IL34: variants seen among roughly 807,000 people sequenced by gnomAD.
IL34 encodes the protein interleukin 34, also known as interleukin-34.
A neutral mutation model predicts 25.3 loss-of-function variants in IL34; 17 were observed. The observed-to-expected ratio is 0.67, with a 90% confidence interval of 0.46 to 1.01. IL34 has a LOEUF of 1.01. Among genes scored for constraint, IL34 ranks in the 50% least tolerant of loss-of-function variants. The probability of loss-of-function intolerance (pLI) is 0.00; values close to 1 mark genes in which losing one functional copy is unlikely to be tolerated. For synonymous variants in IL34, 174 were observed against 140.9 expected (o/e 1.23, Z -1.66); for missense variants, 368 against 312.9 (o/e 1.18, Z -1.33).
intron 1 of IL34, among the ~76,000 whole-genome samples, chr16:70,584,699 C>T (rs554706029): frequency 6.7e-6 from 1 of 150,046 alleles, no homozygotes; most frequent in South Asian, 2.1e-4. Flanking sequence ...TGCTTTCTCT[C>T]TCTCTCTCTT....
chr16:70,645,013 GGAA>G (rs1422777122), upstream of IL34, among the ~76,000 whole-genome samples: 44 of 146,202 alleles, frequency 3.0e-4, no homozygotes, highest in Admixed American at 8.8e-4. Context: ...AGGAAGAGGA[GGAA>G]GGAGGAGAAG....
Position 70,594,935 on chromosome 16 carries a change from A to C in IL34, c.-401+14886A>C, listed in dbSNP as rs1027755838. ...TTTCCAGGTGGCTGCATTTCAATTT[A>C]TCTCTCTCTCTCTCTCTCTCTTTTT... On this transcript the variant is annotated intron_variant, in intron 1 of 6. Transcript: ENST00000429149. Among the ~76,000 whole-genome samples the C allele has an allele frequency of 4.7e-4, 68 of 145,320 alleles. 1 individual carries two copies. The highest frequency in any genetic ancestry group is 1.7e-3 in the African/African-American group (63 of 38,130).
chr16:70,655,831 C>T (rs2052204564), intron 2 of IL34, among the ~76,000 whole-genome samples: 1 of 152,176 alleles, frequency 6.6e-6, no homozygotes, highest in Non-Finnish European at 1.5e-5. Flanking sequence ...TCCTCAGCCT[C>T]CCAAGGTGCT....
chr16:70,613,746 C>G (rs2051128751), intron 1 of IL34, among the ~76,000 whole-genome samples: 1 of 152,018 alleles, frequency 6.6e-6, no homozygotes, highest in Non-Finnish European at 1.5e-5. Context: ...TGGTGGCGTG[C>G]ACCTGTAGTC....
intron 1 of IL34, among the ~76,000 whole-genome samples, chr16:70,619,793 G>A (rs2051242175): frequency 6.6e-6 from 1 of 152,050 alleles, no homozygotes; most frequent in South Asian, 2.1e-4. Flanking sequence ...AGTTCCAGGG[G>A]CTCTGGGAGT....
intron 1 of IL34, among the ~76,000 whole-genome samples, chr16:70,624,605 A>C (rs2051350741): frequency 6.6e-6 from 1 of 152,176 alleles, no homozygotes; most frequent in African/African-American, 2.4e-5. Flanking sequence ...GATGAAAAAG[A>C]GCCTAAACGC....
chr16:70,634,829 TATG>T (rs972542431), intron 1 of IL34, among the ~76,000 whole-genome samples: 2 of 152,144 alleles, frequency 1.3e-5, no homozygotes, highest in African/African-American at 4.8e-5. Flanking sequence ...TAGCTGGAAT[TATG>T]TAGTGTGCAC....
intron 1 of IL34, among the ~76,000 whole-genome samples, chr16:70,637,093 C>T (rs1024406423): frequency 1.3e-5 from 2 of 151,922 alleles, no homozygotes; most frequent in African/African-American, 2.4e-5. Flanking sequence ...ATCTCCTGAC[C>T]TCGTGATCTG....
intron 1 of IL34, among the ~76,000 whole-genome samples, chr16:70,609,815 T>A (rs2051064206): frequency 6.6e-6 from 1 of 152,200 alleles, no homozygotes; most frequent in South Asian, 2.1e-4. Context: ...ACTGTGCCTC[T>A]TGCAGGTGCC....
intron 1 of IL34, among the ~76,000 whole-genome samples, chr16:70,592,696 C>A (rs1191197500): frequency 6.6e-6 from 1 of 152,084 alleles, no homozygotes; most frequent in African/African-American, 2.4e-5. Flanking sequence ...ACTCTGTCGT[C>A]CAGGCTGGAG....
At chr16:70,609,869 C>G (rs1478022363) in intron 1 of IL34, among the ~76,000 whole-genome samples, 1 of 152,124 alleles carries the variant, frequency 6.6e-6, no homozygotes, top group Non-Finnish European at 1.5e-5. Context: ...AATTGGAACC[C>G]AGATGCCTCT....
At chr16:70,597,387 A>G (rs2050838906) in intron 1 of IL34, among the ~76,000 whole-genome samples, 1 of 151,866 alleles carries the variant, frequency 6.6e-6, no homozygotes, top group Non-Finnish European at 1.5e-5. Context: ...TGCCTGGCCA[A>G]GTATTAATTT....
At chr16:70,596,591 G>C (rs978187333) in intron 1 of IL34, among the ~76,000 whole-genome samples, 6 of 152,134 alleles carry the variant, frequency 3.9e-5, no homozygotes, top group Non-Finnish European at 7.4e-5. Flanking sequence ...TCAGAAACTG[G>C]AGCCCCTGAA....
intron 1 of IL34, among the ~76,000 whole-genome samples, chr16:70,651,188 G>C (rs576817021): frequency 2.6e-5 from 4 of 152,100 alleles, no homozygotes; most frequent in Non-Finnish European, 5.9e-5. Context: ...TGATGGGGGG[G>C]AGAGAAGAGT....
At position 70,660,336 on chromosome 16, in the gene IL34, G is replaced by A. The variant is rs1258800272; in HGVS notation, c.*149G>A. The A allele has an allele frequency of 1.5e-6, 1 of 684,552 alleles. No individual in the cohort carries two copies. Among genetic ancestry groups the A allele is most frequent in the Non-Finnish European group, 2.3e-6 (1 of 433,814 alleles). 42.4% of individuals were successfully genotyped at this position (684,552 alleles called of 1,614,324 possible). A position where few individuals can be genotyped will look rare whatever the true frequency, so the allele number is the denominator to read the frequency against. On this transcript the variant is annotated 3_prime_UTR_variant, in exon 6 of 6. Transcript: ENST00000288098. ...GTTTTTCCTTTGAGGGGGATTCTGTGCCACAGCAGGGCTCAGCTTCCTGCC... is the reference window on the plus strand; with the variant it reads ...GTTTTTCCTTTGAGGGGGATTCTGTACCACAGCAGGGCTCAGCTTCCTGCC...
At chr16:70,582,698 T>A (rs569697023) in intron 1 of IL34, among the ~76,000 whole-genome samples, 1 of 152,354 alleles carries the variant, frequency 6.6e-6, no homozygotes, top group South Asian at 2.1e-4. Context: ...AGAAAATCCA[T>A]GTGTTCATTT....
chr16:70,591,808 A>G (rs989655861), intron 1 of IL34, among the ~76,000 whole-genome samples: 1 of 152,176 alleles, frequency 6.6e-6, no homozygotes, highest in African/African-American at 2.4e-5. Flanking sequence ...AGGTTAAGTC[A>G]TGCCTAGGAG....
chr16:70,635,519 A>G (rs1158076169), intron 1 of IL34, among the ~76,000 whole-genome samples: 1 of 152,052 alleles, frequency 6.6e-6, no homozygotes, highest in African/African-American at 2.4e-5. Context: ...CACAGGTCAG[A>G]GGTTGGAGGT....
chr16:70,628,552 T>C (rs2051447410), intron 1 of IL34, among the ~76,000 whole-genome samples: 1 of 151,552 alleles, frequency 6.6e-6, no homozygotes. Context: ...AATGGTATGA[T>C]CTTGGCTCAC....
Sources: allele counts gnomAD v4.1 joint callset (sites outside exome capture counted in the v4.1 genomes callset), GRCh38; gene constraint gnomAD v4.1.1; transcripts MANE v1.5; gene names NCBI Gene and HGNC (gene_info 2026-07-23, HGNC 2026-07-21).